The following TRIM42 variants were observed in gnomAD, a reference collection of about 807,000 sequenced individuals.
TRIM42 encodes the protein tripartite motif-containing protein 42.
A neutral mutation model predicts 64.9 loss-of-function variants in TRIM42; 59 were observed. The observed-to-expected ratio is 0.91, with a 90% CI of 0.74 to 1.13. The LOEUF (loss-of-function observed/expected upper bound fraction) is 1.13, where lower values mean the gene tolerates loss of function less well. Among genes scored for constraint, TRIM42 ranks in the 50% most tolerant of loss-of-function variants. The pLI, the probability that TRIM42 is intolerant of heterozygous loss-of-function variation, is 0.00. For synonymous variants in TRIM42, 354 were observed against 346.3 expected (o/e 1.02, Z -0.25); for missense variants, 878 against 929.5 (o/e 0.94, Z 0.72).
intron 2 of TRIM42, among the ~76,000 whole-genome samples, chr3:140,685,547 C>T (rs4683376): frequency 0.45 from 68,150 of 152,036 alleles, 16,642 homozygotes; most frequent in Non-Finnish European, 0.55. Flanking sequence ...TTATCATGAT[C>T]CCAGGAGATT....
At chr3:140,695,819 T>C (rs553788886) in intron 4 of TRIM42, among the ~76,000 whole-genome samples, 3 of 152,136 alleles carry the variant, frequency 2.0e-5, no homozygotes, top group Non-Finnish European at 4.4e-5. Context: ...ACCACCACTA[T>C]TTCACACTCA....
In TRIM42 at chr3:140,678,308, T is replaced by C; in HGVS notation, c.79T>C (p.Cys27Arg). 6.2e-7 allele frequency: 1 copy of C among 1,614,230 alleles called. No homozygotes were observed. Among genetic ancestry groups the C allele is most frequent in the South Asian group, 1.1e-5 (1 of 91,084 alleles). Reference sequence around the variant, plus strand: ...TCCTCAGTTATGCTCCTGTCTGTGCTGCAAGTTCATCTTCACCTCAGAGCG... The same window carrying C: ...TCCTCAGTTATGCTCCTGTCTGTGCCGCAAGTTCATCTTCACCTCAGAGCG... ...CCPQLCSCLCCKFIFTSERNC... is the reference protein window; with the variant it reads ...CCPQLCSCLCRKFIFTSERNC... Residue 27 changes from cysteine to arginine, a missense_variant, in exon 1 of 5, where the codon TGC (cysteine) becomes CGC (arginine). Physicochemically the swap from Cys to Arg is radical, Grantham distance 180. Coordinates refer to ENST00000286349, the MANE Select transcript of TRIM42 (RefSeq NM_152616.5).
intron 3 of TRIM42, 58 bp from the exon 4 acceptor site, chr3:140,690,910 G>A: frequency 7.1e-7 from 1 of 1,413,588 alleles, no homozygotes; most frequent in East Asian, 2.3e-5. Context: ...ATCTTTAAGG[G>A]AAAGAAAGCT....
In TRIM42 at chr3:140,678,319, C is replaced by T; in HGVS notation, c.90C>T (p.Ile30=). 6.2e-7 allele frequency: 1 copy of T among 1,614,218 alleles called. No individual in the cohort carries two copies. The highest frequency in any genetic ancestry group is 8.5e-7 in the Non-Finnish European group (1 of 1,180,032). The change falls in exon 1 of 5, where the codon ATC becomes ATT. Residue 30 remains isoleucine (I), a synonymous_variant. Coordinates refer to ENST00000286349, the MANE Select transcript of TRIM42 (RefSeq NM_152616.5). ...GCTCCTGTCTGTGCTGCAAGTTCATCTTCACCTCAGAGCGGAACTGCACCT... is the reference window on the plus strand; with the variant it reads ...GCTCCTGTCTGTGCTGCAAGTTCATTTTCACCTCAGAGCGGAACTGCACCT... ...QLCSCLCCKF[I]FTSERNCTCF... is the part of the protein sequence containing the mutation.
chr3:140,692,562 C>CACACACACACACACACACACACAGAGAG (rs375439126), intron 4 of TRIM42, among the ~76,000 whole-genome samples: 7 of 114,200 alleles, frequency 6.1e-5, no homozygotes, highest in Admixed American at 1.9e-4. Flanking sequence ...CACACACACA[C>CACACACACACACACACACACACAGAGAG]AGAGAGAGAT....
At chr3:140,682,433 T>C in intron 1 of TRIM42, 29 bp from the exon 2 acceptor site, 3 of 1,595,704 alleles carry the variant, frequency 1.9e-6, no homozygotes, top group East Asian at 2.2e-5. Flanking sequence ...GCCTGCCTCC[T>C]GAAACCCTGC....
chr3:140,699,580 C>T (rs958021217), intron 4 of TRIM42, among the ~76,000 whole-genome samples: 15 of 152,188 alleles, frequency 9.9e-5, no homozygotes, highest in African/African-American at 3.6e-4. Context: ...ATTCACATAT[C>T]ACATACAGTC....
chr3:140,679,984 G>A (rs1328803238), intron 1 of TRIM42, among the ~76,000 whole-genome samples: 1 of 151,530 alleles, frequency 6.6e-6, no homozygotes, highest in Non-Finnish European at 1.5e-5. Flanking sequence ...TGTGCAGAAT[G>A]GCCTGCAGGA....
rs766463932 is a variant in TRIM42, at chr3:140,688,049, G to A, written c.1367G>A (p.Gly456Asp). Reference sequence around the variant, plus strand: ...ATCCTGGTGGACCAGATCGAGGACGGCATCCAGACCACCTACAGGCCTGAC... The same window carrying A: ...ATCCTGGTGGACCAGATCGAGGACGACATCCAGACCACCTACAGGCCTGAC... Reference protein sequence around the residue: ...AKILVDQIEDGIQTTYRPDPQ... With the variant: ...AKILVDQIEDDIQTTYRPDPQ... Residue 456 changes from glycine (G) to aspartate (D), a missense_variant, in exon 3 of 5, where the codon GGC becomes GAC. Gly to Asp is a moderately conservative substitution (Grantham distance 94). Coordinates refer to ENST00000286349, the MANE Select transcript of TRIM42 (RefSeq NM_152616.5). 1.0e-4 allele frequency: 165 copies of A among 1,614,040 alleles called. 1 individual carries two copies. In the Admixed American group the frequency reaches 2.7e-3, roughly 26 times the overall value.
intron 2 of TRIM42, 105 bp downstream of exon 2, chr3:140,683,264 A>G (rs1045345335): frequency 8.4e-7 from 1 of 1,186,516 alleles, no homozygotes; most frequent in African/African-American, 1.5e-5. Flanking sequence ...GATTCCACCT[A>G]GTGGAGCAAT....
At chr3:140,697,483 T>C (rs1402655093) in intron 4 of TRIM42, among the ~76,000 whole-genome samples, 1 of 152,220 alleles carries the variant, frequency 6.6e-6, no homozygotes, top group Admixed American at 6.5e-5. Flanking sequence ...CCTTTCAAAT[T>C]TAGCTCTTTA....
chr3:140,698,215 A>G (rs1988906686), intron 4 of TRIM42, among the ~76,000 whole-genome samples: 1 of 152,180 alleles, frequency 6.6e-6, no homozygotes, highest in African/African-American at 2.4e-5. Flanking sequence ...ATTTCTTCAT[A>G]TACATTTTGG....
At chr3:140,686,426 C>T (rs938499279) in intron 2 of TRIM42, among the ~76,000 whole-genome samples, 8 of 148,266 alleles carry the variant, frequency 5.4e-5, no homozygotes, top group South Asian at 4.2e-4. Context: ...AGTGACACTG[C>T]TGGCATTCAC....
chr3:140,680,956 G>A (rs1988378731), intron 1 of TRIM42, among the ~76,000 whole-genome samples: 1 of 152,200 alleles, frequency 6.6e-6, no homozygotes, highest in Non-Finnish European at 1.5e-5. Flanking sequence ...CCGCAATGTC[G>A]AGATTAGTAT....
At chr3:140,695,502 T>G (rs539129685) in intron 4 of TRIM42, among the ~76,000 whole-genome samples, 17 of 152,280 alleles carry the variant, frequency 1.1e-4, no homozygotes, top group African/African-American at 3.8e-4. Context: ...CAGCAACCCC[T>G]GTCCCCAACC....
chr3:140,697,788 A>G (rs1988893071), intron 4 of TRIM42, among the ~76,000 whole-genome samples: 3 of 152,148 alleles, frequency 2.0e-5, no homozygotes, highest in African/African-American at 7.2e-5. Context: ...GGTTCACGCC[A>G]TTCTCCTGCC....
At chr3:140,685,912 A>T (rs1271827074) in intron 2 of TRIM42, among the ~76,000 whole-genome samples, 1 of 152,194 alleles carries the variant, frequency 6.6e-6, no homozygotes, top group African/African-American at 2.4e-5. Context: ...AAACATATGG[A>T]TCTGGTCCAT....
chr3:140,688,209 C>A lies in TRIM42; in HGVS notation c.1527C>A (p.Pro509=), dbSNP rs747322267. ...SSGDSLPSPY[P]VHSETMIARK... ...GGGACTCCCTGCCCTCCCCCTACCC[C>A]GTGCACTCAGAAACAATGATTGCCA... The change falls in exon 3 of 5, where the codon CCC becomes CCA. Residue 509 remains proline (P), a synonymous_variant. Coordinates refer to ENST00000286349, the MANE Select transcript of TRIM42 (RefSeq NM_152616.5). 3.1e-6 allele frequency: 5 copies of A among 1,614,098 alleles called. No homozygotes were observed. The African/African-American group carries it at 6.7e-5, about 22-fold the overall frequency.
chr3:140,685,336 T>G (rs9859517), intron 2 of TRIM42, among the ~76,000 whole-genome samples: 6,202 of 152,252 alleles, frequency 0.041, 408 homozygotes, highest in African/African-American at 0.14. Context: ...CTCAGCAAGA[T>G]GGAATTTTAA....
Sources: allele counts gnomAD v4.1 joint callset (sites outside exome capture counted in the v4.1 genomes callset), GRCh38; gene constraint gnomAD v4.1.1; transcripts MANE v1.5; gene names NCBI Gene and HGNC (gene_info 2026-07-23, HGNC 2026-07-21).